TRIM24: variants seen among roughly 807,000 people sequenced by gnomAD.
The protein encoded by TRIM24 is transcription intermediary factor 1-alpha.
Under a neutral mutation model 123.9 loss-of-function variants are expected in TRIM24, and 29 were observed. The ratio of observed to expected loss-of-function variants is 0.23; its 90% CI spans 0.17 to 0.32. The LOEUF is 0.32. TRIM24 is among the 10% of genes least tolerant of loss of function. The pLI is 1.00. For missense variants in TRIM24, 932 were observed against 1,295.3 expected (o/e 0.72, Z 4.31); for synonymous variants, 456 against 461.1 (o/e 0.99, Z 0.14).
intron 1 of TRIM24, among the ~76,000 whole-genome samples, chr7:138,483,068 C>T (rs906534825): frequency 6.6e-6 from 1 of 152,030 alleles, no homozygotes; most frequent in African/African-American, 2.4e-5. Context: ...CAGGCATGTA[C>T]CACCATGCTC....
chr7:138,538,901 C>A, intron 7 of TRIM24, 98 bp downstream of exon 7: 1 of 1,100,928 alleles, frequency 9.1e-7, no homozygotes, highest in South Asian at 2.3e-5. Flanking sequence ...TGCATCAGTG[C>A]TTTTTACCTA....
chr7:138,509,851 G>A (rs1237554134), intron 2 of TRIM24, among the ~76,000 whole-genome samples: 1 of 152,176 alleles, frequency 6.6e-6, no homozygotes, highest in South Asian at 2.1e-4. Context: ...GCAAAAGGAT[G>A]GAATTATTAA....
chr7:138,580,298 T>C (rs1441279813), intron 15 of TRIM24, among the ~76,000 whole-genome samples: 2 of 152,224 alleles, frequency 1.3e-5, no homozygotes, highest in Admixed American at 1.3e-4. Flanking sequence ...TAAATTTGTT[T>C]AGGTGTTTCT....
intron 1 of TRIM24, among the ~76,000 whole-genome samples, chr7:138,462,792 A>G (rs1486817370): frequency 6.6e-6 from 1 of 152,140 alleles, no homozygotes; most frequent in Non-Finnish European, 1.5e-5. Context: ...GATCCTTCGC[A>G]GTAGTTTGCT....
intron 2 of TRIM24, among the ~76,000 whole-genome samples, chr7:138,512,377 C>G (rs1274637742): frequency 6.6e-6 from 1 of 152,186 alleles, no homozygotes; most frequent in Non-Finnish European, 1.5e-5. Context: ...GTGGGTGCTC[C>G]AGCCCCACAT....
chr7:138,508,680 T>TGCGTGC (rs777842191), intron 2 of TRIM24, among the ~76,000 whole-genome samples: 1 of 97,110 alleles, frequency 1.0e-5, no homozygotes. Context: ...TGTGTGTGTG[T>TGCGTGC]GTGTGTGTGT....
chr7:138,580,520 A>G (rs774285871), intron 15 of TRIM24, 42 bp from the exon 16 acceptor site: 2 of 1,585,362 alleles, frequency 1.3e-6, no homozygotes, highest in Non-Finnish European at 8.6e-7. Context: ...GAAGAGAGGA[A>G]ATGATGCATT....
chr7:138,568,932 T>G (rs1359486812), intron 10 of TRIM24, among the ~76,000 whole-genome samples: 2 of 152,206 alleles, frequency 1.3e-5, no homozygotes, highest in Non-Finnish European at 2.9e-5. Flanking sequence ...TCTGTGTCTA[T>G]ACATATCTTC....
At chr7:138,492,167 G>A (rs531211514) in intron 1 of TRIM24, among the ~76,000 whole-genome samples, 38 of 150,360 alleles carry the variant, frequency 2.5e-4, no homozygotes, top group Non-Finnish European at 3.5e-4. Flanking sequence ...AGCTACTCAG[G>A]AGGCTGAGGC....
intron 1 of TRIM24, among the ~76,000 whole-genome samples, chr7:138,492,443 G>A (rs537119763): frequency 8.5e-5 from 13 of 152,104 alleles, no homozygotes; most frequent in South Asian, 8.3e-4. Context: ...CTTTTTTACC[G>A]TCTTGATAAT....
chr7:138,489,627 T>C (rs1795733905), intron 1 of TRIM24, among the ~76,000 whole-genome samples: 1 of 152,220 alleles, frequency 6.6e-6, no homozygotes, highest in South Asian at 2.1e-4. Flanking sequence ...TGACTGGATG[T>C]GAAATTCTGG....
intron 2 of TRIM24, among the ~76,000 whole-genome samples, chr7:138,508,029 T>A (rs1331801744): frequency 6.6e-6 from 1 of 152,194 alleles, no homozygotes; most frequent in Non-Finnish European, 1.5e-5. Context: ...TAGGTTTTTT[T>A]AAACAATGGT....
At chr7:138,479,332 C>T (rs1280356690) in intron 1 of TRIM24, among the ~76,000 whole-genome samples, 1 of 152,140 alleles carries the variant, frequency 6.6e-6, no homozygotes, top group Non-Finnish European at 1.5e-5. Flanking sequence ...TCACTCCTTC[C>T]CTTTCCCTTA....
intron 6 of TRIM24, among the ~76,000 whole-genome samples, chr7:138,534,719 A>G (rs956694343): frequency 3.9e-5 from 6 of 152,102 alleles, no homozygotes; most frequent in African/African-American, 1.2e-4. Context: ...TTCTGTAGAT[A>G]TCTATTAGGT....
chr7:138,572,380 C>A (rs1266454721), intron 11 of TRIM24, among the ~76,000 whole-genome samples: 2 of 152,084 alleles, frequency 1.3e-5, no homozygotes, highest in East Asian at 3.9e-4. Flanking sequence ...CCAAGTATTG[C>A]CAAAAGAATA....
chr7:138,525,797 T>C (rs1021471618), intron 5 of TRIM24, among the ~76,000 whole-genome samples: 1 of 152,198 alleles, frequency 6.6e-6, no homozygotes, highest in Non-Finnish European at 1.5e-5. Flanking sequence ...TTTAAGACAC[T>C]AGGATACAGG....
At chr7:138,526,157 TA>T (rs1266087438) in intron 5 of TRIM24, among the ~76,000 whole-genome samples, 2 of 152,230 alleles carry the variant, frequency 1.3e-5, no homozygotes, top group Admixed American at 6.5e-5. Context: ...ACAGAGAATT[TA>T]AATGTTTTTC....
intron 2 of TRIM24, among the ~76,000 whole-genome samples, chr7:138,507,873 G>T (rs1371778402): frequency 6.6e-6 from 1 of 151,734 alleles, no homozygotes; most frequent in African/African-American, 2.4e-5. Context: ...GATGGAGGCT[G>T]CAGTGAGCCA....
At chr7:138,540,281 G>C (rs1011128229) in intron 7 of TRIM24, among the ~76,000 whole-genome samples, 3 of 152,136 alleles carry the variant, frequency 2.0e-5, no homozygotes, top group Admixed American at 2.0e-4. Flanking sequence ...TTTAGTGGAA[G>C]ATTTCTCCGT....
Sources: allele counts gnomAD v4.1 joint callset (sites outside exome capture counted in the v4.1 genomes callset), GRCh38; gene constraint gnomAD v4.1.1; transcripts MANE v1.5; gene names NCBI Gene and HGNC (gene_info 2026-07-23, HGNC 2026-07-21).